Variants in MEIS2 observed in about 807,000 individuals in gnomAD.
The protein encoded by MEIS2 is Meis homeobox 2.
MEIS2 carries 9 observed loss-of-function variants against 58.6 expected under a neutral mutation model. The observed-to-expected ratio is 0.15, with a 90% CI of 0.09 to 0.27. MEIS2 has a LOEUF of 0.27. MEIS2 is among the 10% of genes least tolerant of loss of function. The pLI is 1.00. For synonymous variants in MEIS2, 221 were observed against 228.4 expected (o/e 0.97, Z 0.29); for missense variants, 427 against 635.0 (o/e 0.67, Z 3.52).
At chr15:36,949,918 A>G (rs2058697035) in intron 9 of MEIS2, among the ~76,000 whole-genome samples, 1 of 152,040 alleles carries the variant, frequency 6.6e-6, no homozygotes. Context: ...GCTCAAAGCC[A>G]AGACAAAAGA....
chr15:36,892,395 C>T lies in MEIS2; in HGVS notation c.1212G>A (p.Gln404=). The change falls in exon 12 of 12, where the codon CAG becomes CAA. Residue 404 remains glutamine, a synonymous_variant. Coordinates refer to ENST00000561208, the MANE Select transcript of MEIS2 (RefSeq NM_170675.5). The part of the protein sequence containing the change: ...QGGPMGMSMA[Q]PSYTPPQMTP... ...TCATCTGGGGAGGAGTGTAACTTGGCTGTGCCATACTCATTCCCATAGGAC... is the reference window on the plus strand; with the variant it reads ...TCATCTGGGGAGGAGTGTAACTTGGTTGTGCCATACTCATTCCCATAGGAC... 1 of 1,613,950 alleles carries T rather than the reference C, an allele frequency of 6.2e-7. No homozygotes were observed. The highest frequency in any genetic ancestry group is 1.1e-5 in the South Asian group (1 of 91,070).
At chr15:36,957,086 T>G (rs1347990260) in intron 8 of MEIS2, among the ~76,000 whole-genome samples, 1 of 152,138 alleles carries the variant, frequency 6.6e-6, no homozygotes, top group Non-Finnish European at 1.5e-5. Flanking sequence ...ATTTTTTAAA[T>G]CATAAAATTT....
At chr15:36,970,069 C>T (rs1313376227) in intron 8 of MEIS2, among the ~76,000 whole-genome samples, 1 of 152,028 alleles carries the variant, frequency 6.6e-6, no homozygotes, top group Non-Finnish European at 1.5e-5. Context: ...AGATTGAATG[C>T]CTGGTTAAAA....
intron 8 of MEIS2, among the ~76,000 whole-genome samples, chr15:36,991,791 T>C (rs1331047243): frequency 4.9e-5 from 6 of 121,400 alleles, no homozygotes; most frequent in East Asian, 2.3e-4. Flanking sequence ...TTCTTTTTTT[T>C]TTTTTTTTTT....
intron 9 of MEIS2, among the ~76,000 whole-genome samples, chr15:36,928,303 GACATAACA>G (rs1419429544): frequency 6.6e-6 from 1 of 152,132 alleles, no homozygotes; most frequent in African/African-American, 2.4e-5. Flanking sequence ...CAGAAAATGT[GACATAACA>G]ACAATTAAAA....
chr15:37,050,059 A>G (rs8032758), intron 7 of MEIS2, among the ~76,000 whole-genome samples: 147,235 of 152,224 alleles, frequency 0.97, 71,382 homozygotes, highest in East Asian at 1. Flanking sequence ...ATTATAGAAC[A>G]TATATTGACT....
intron 7 of MEIS2, among the ~76,000 whole-genome samples, chr15:37,051,451 G>A (rs55811362): frequency 0.045 from 6,864 of 152,242 alleles, 194 homozygotes; most frequent in Non-Finnish European, 0.068. Context: ...GTGGTTACTT[G>A]AGGACATATA....
intron 7 of MEIS2, among the ~76,000 whole-genome samples, chr15:37,082,513 A>G (rs1892367133): frequency 6.6e-6 from 1 of 152,110 alleles, no homozygotes; most frequent in Non-Finnish European, 1.5e-5. Flanking sequence ...TTGCAGATCC[A>G]TTGACCCTAT....
At chr15:37,038,453 A>G (rs2062254399) in intron 7 of MEIS2, among the ~76,000 whole-genome samples, 1 of 152,216 alleles carries the variant, frequency 6.6e-6, no homozygotes, top group South Asian at 2.1e-4. Context: ...AGCCACAGCA[A>G]AGAGCTGGCA....
At chr15:36,948,388 G>A (rs1393220635) in intron 9 of MEIS2, among the ~76,000 whole-genome samples, 1 of 151,940 alleles carries the variant, frequency 6.6e-6, no homozygotes, top group Non-Finnish European at 1.5e-5. Flanking sequence ...TGTGGGAAAT[G>A]CTAGATTGTA....
intron 7 of MEIS2, among the ~76,000 whole-genome samples, chr15:37,059,116 C>T (rs970646121): frequency 6.6e-6 from 1 of 152,206 alleles, no homozygotes; most frequent in South Asian, 2.1e-4. Flanking sequence ...GTGCCCAGAA[C>T]TGATGCAAAG....
intron 7 of MEIS2, among the ~76,000 whole-genome samples, chr15:37,049,688 A>G (rs2062831330): frequency 6.6e-6 from 1 of 151,506 alleles, no homozygotes; most frequent in Admixed American, 6.6e-5. Context: ...GGGCTTCATC[A>G]CGATGGTCAT....
intron 9 of MEIS2, among the ~76,000 whole-genome samples, chr15:36,937,207 C>G (rs2058209620): frequency 6.6e-6 from 1 of 152,094 alleles, no homozygotes; most frequent in South Asian, 2.1e-4. Flanking sequence ...TCAAATTTGT[C>G]CCTCCCTTGT....
chr15:37,066,384 G>A (rs1889930286), intron 7 of MEIS2: 1 of 152,134 alleles, frequency 6.6e-6, no homozygotes, highest in South Asian at 2.1e-4. Flanking sequence ...TTTGTGAACT[G>A]AATACCTTTT....
chr15:36,941,082 G>A (rs1319347675), intron 9 of MEIS2, among the ~76,000 whole-genome samples: 6 of 151,912 alleles, frequency 3.9e-5, no homozygotes, highest in South Asian at 2.1e-4. Flanking sequence ...ACACAAACAC[G>A]GAAACACAGA....
intron 7 of MEIS2, among the ~76,000 whole-genome samples, chr15:37,048,846 G>A (rs944281604): frequency 1.1e-4 from 16 of 152,142 alleles, no homozygotes; most frequent in Non-Finnish European, 2.4e-4. Context: ...GTATTATGGA[G>A]TTGATGACTG....
At chr15:36,967,461 GAA>G (rs1459279344) in intron 8 of MEIS2, among the ~76,000 whole-genome samples, 1 of 152,166 alleles carries the variant, frequency 6.6e-6, no homozygotes, top group Non-Finnish European at 1.5e-5. Context: ...TGATTTGGAA[GAA>G]AGTCTTTAAC....
intron 7 of MEIS2, among the ~76,000 whole-genome samples, chr15:37,044,076 T>C (rs546397342): frequency 1.3e-4 from 20 of 152,336 alleles, no homozygotes; most frequent in South Asian, 4.1e-4. Context: ...CCAATCCTTA[T>C]TTAATCTTCA....
chr15:36,905,889 G>A (rs1171607932), intron 9 of MEIS2, among the ~76,000 whole-genome samples: 2 of 152,076 alleles, frequency 1.3e-5, no homozygotes, highest in Admixed American at 6.6e-5. Context: ...AATCACAATT[G>A]GAGAACACAC....
Sources: gnomAD v4.1 joint callset for allele counts (sites outside exome capture counted in the v4.1 genomes callset) on GRCh38, gnomAD v4.1.1 for gene constraint, MANE v1.5 for transcripts, NCBI Gene and HGNC (gene_info 2026-07-23, HGNC 2026-07-21) for gene names.